HSPG2: variants seen among roughly 807,000 people sequenced by gnomAD.
HSPG2 encodes basement membrane-specific heparan sulfate proteoglycan core protein.
HSPG2 carries 278 observed loss-of-function variants against 526.6 expected under a neutral mutation model. The ratio of observed to expected loss-of-function variants is 0.53; its 90% CI spans 0.48 to 0.58. The LOEUF (loss-of-function observed/expected upper bound fraction) is 0.58, where lower values mean the gene tolerates loss of function less well. Ranked by LOEUF, HSPG2 falls within the 20% of genes least tolerant of loss-of-function variation. The pLI is 0.00. For missense variants in HSPG2, 5,354 were observed against 6,099.5 expected, an observed-to-expected ratio of 0.88 and a Z score of 4.07; for synonymous variants, 2,465 against 2,555.4, an observed-to-expected ratio of 0.96 and a Z score of 1.07.
At position 21,834,744 on chromosome 1, in the gene HSPG2, T is replaced by G; in HGVS notation, c.10655A>C (p.Gln3552Pro). 2 of 1,614,194 alleles carry G rather than the reference T, an allele frequency of 1.2e-6. No individual in the cohort carries two copies. The highest frequency in any genetic ancestry group is 1.7e-6 in the Non-Finnish European group (2 of 1,180,042). ...IAHVELADAG[Q>P]YRCTATNAAG... ...TGCGTTGGTGGCAGTGCAGCGATAC[T>G]GTCCCGCATCAGCCAGCTCTACGTG... is the stretch of plus-strand genomic sequence containing the variant. Residue 3552 changes from glutamine (Q) to proline (P), a missense_variant, in exon 77 of 97, where the codon CAG becomes CCG. Physicochemically the swap from Gln to Pro is moderately conservative, Grantham distance 76. Coordinates refer to ENST00000374695, the MANE Select transcript of HSPG2 (RefSeq NM_005529.7).
chr1:21,841,986 C>CACCAGCCT lies in HSPG2; in HGVS notation c.9193+8_9193+15dup, dbSNP rs758822987. 7.4e-6 allele frequency: 12 copies of CACCAGCCT among 1,612,610 alleles called. No individual in the cohort carries two copies. Among genetic ancestry groups the CACCAGCCT allele is most frequent in the Non-Finnish European group, 1.0e-5 (12 of 1,180,022 alleles). On this transcript the variant is annotated intron_variant, in intron 69 of 96. Transcript: ENST00000374695. Reference sequence around the variant, plus strand: ...CCTGCCCCCAGCTTGCCCACCTGCCCACCAGCCTGGCTCACCCTCCAGCTC... The same window carrying CACCAGCCT: ...CCTGCCCCCAGCTTGCCCACCTGCCCACCAGCCTACCAGCCTGGCTCACCCTCCAGCTC...
At chr1:21,838,044 G>A (rs540580153) in intron 74 of HSPG2, among the ~76,000 whole-genome samples, 1 of 145,550 alleles carries the variant, frequency 6.9e-6, no homozygotes, top group South Asian at 2.2e-4. Flanking sequence ...GCTGAGGCAC[G>A]AGAAAGGCTT....
At chr1:21,846,313 G>T (rs1638431004) in intron 63 of HSPG2, 58 bp from the exon 64 acceptor site, 2 of 1,610,794 alleles carry the variant, frequency 1.2e-6, no homozygotes. Flanking sequence ...ACTGTTGAAG[G>T]CCTGGGGCCA....
chr1:21,890,117 C>T lies in HSPG2; in HGVS notation c.438G>A (p.Val146=). 6.2e-7 allele frequency: 1 copy of T among 1,614,070 alleles called. No individual in the cohort carries two copies. The highest frequency in any genetic ancestry group is 8.5e-7 in the Non-Finnish European group (1 of 1,179,984). Residue 146 remains valine, a synonymous_variant, in exon 6 of 97, where the codon GTG becomes GTA. Transcript: ENST00000374695. The surrounding 1 kb of genome is among the most constrained non-coding windows in gnomAD (Gnocchi z 4.1). Reference sequence around the variant, plus strand: ...TCCCTTCCGAGCCCACATCCAGCTCCACAAAAACCCAGCCATCCAGCTCCC... The same window carrying T: ...TCCCTTCCGAGCCCACATCCAGCTCTACAAAAACCCAGCCATCCAGCTCCC... ...FIKELDGWVF[V]ELDVGSEGNA... is the part of the protein sequence containing the mutation.
In HSPG2 at chr1:21,828,173, G is replaced by T. The variant is rs1191741336; in HGVS notation, c.12410-21C>A. ...GTCTCCTGTGGGCCAGGGCAGAGGC[G>T]AGTGGGTGGGTGGGCATGGGCTGGA... On this transcript the variant is annotated intron_variant, in intron 89 of 96. Coordinates refer to ENST00000374695, the MANE Select transcript of HSPG2 (RefSeq NM_005529.7). The surrounding 1 kb of genome is among the most constrained non-coding windows in gnomAD (Gnocchi z 6.0). 17 of 1,536,624 alleles carry T rather than the reference G, an allele frequency of 1.1e-5. No homozygotes were observed. Among genetic ancestry groups the T allele is most frequent in the Non-Finnish European group, 1.4e-5 (16 of 1,121,846 alleles).
Position 21,852,138 on chromosome 1 carries a change from C to A in HSPG2, c.6820G>T (p.Ala2274Ser), listed in dbSNP as rs190391786. Reference protein sequence around the residue: ...LSCVVAGQAHAQVTWYKRGGS... With the variant: ...LSCVVAGQAHSQVTWYKRGGS... ...CCACGCTTGTACCATGTGACCTGGG[C>A]GTGGGCCTGCCCTGCCACCACGCAG... The change falls in exon 53 of 97, where the codon GCC becomes TCC. Residue 2274 changes from alanine to serine, a missense_variant. Coordinates refer to ENST00000374695, the MANE Select transcript of HSPG2 (RefSeq NM_005529.7). 1 of 1,613,884 alleles carries A rather than the reference C, an allele frequency of 6.2e-7. No homozygotes were observed. Among genetic ancestry groups the A allele is most frequent in the Non-Finnish European group, 8.5e-7 (1 of 1,180,038 alleles).
In HSPG2 at chr1:21,824,087, GGCCCCATCCCGAGT is replaced by G; in HGVS notation, c.12899+20_12899+33del. 6.3e-7 allele frequency: 1 copy of G among 1,589,070 alleles called. No homozygotes were observed. The highest frequency in any genetic ancestry group is 8.6e-7 in the Non-Finnish European group (1 of 1,162,292). ...CGTCCTGCCCCACTCCAGAACGCTGGGCCCCATCCCGAGTGCCCGGCAGGGTCCCTTACCGCAGT... is the reference window on the plus strand; with the variant it reads ...CGTCCTGCCCCACTCCAGAACGCTGGGCCCGGCAGGGTCCCTTACCGCAGT... On this transcript the variant is annotated intron_variant, in intron 95 of 96. Transcript: ENST00000374695. The surrounding 1 kb of genome is among the most constrained non-coding windows in gnomAD (Gnocchi z 5.9).
rs1642884530 is a variant in HSPG2 at position 21,898,223 on chromosome 1, G to A, written c.64-1913C>T. Among the ~76,000 whole-genome samples the A allele has an allele frequency of 6.6e-6, 1 of 152,158 alleles. No homozygotes were observed. The highest frequency in any genetic ancestry group is 1.5e-5 in the Non-Finnish European group (1 of 68,024). ...CTGTGAGCTCCCTGGATGGGGGAGT[G>A]GCTGGGTGCCATTTGTTCATCTTTG... On this transcript the variant is annotated intron_variant, in intron 1 of 96. Coordinates refer to ENST00000374695, the MANE Select transcript of HSPG2 (RefSeq NM_005529.7). This position sits in a 1 kb window ranked among gnomAD's most constrained non-coding sequence, Gnocchi z 4.0.
intron 3 of HSPG2, among the ~76,000 whole-genome samples, chr1:21,891,547 G>A (rs567974196): frequency 2.0e-5 from 3 of 152,318 alleles, no homozygotes; most frequent in African/African-American, 7.2e-5. Flanking sequence ...GGTACACAGC[G>A]GGTTCCTTGA....
In HSPG2 at chr1:21,876,643, CCA is replaced by C; in HGVS notation, c.2693_2694del (p.Val898GlyfsTer7). On this transcript the variant is annotated frameshift_variant, in exon 22 of 97. Transcript: ENST00000374695. LOFTEE classifies it high-confidence loss of function. ...GCACATTCATTGCACAAGCGCCCCACCACATTGTTCTGCAGGCACAGAGTTGG... is the reference window on the plus strand; with the variant it reads ...GCACATTCATTGCACAAGCGCCCCACCATTGTTCTGCAGGCACAGAGTTGG... ...SGEACRCKNNVVGRLCNECAD... is the reference protein window; with the variant it reads ...SGEACRCKNNXVGRLCNECAD... The C allele has an allele frequency of 6.2e-7, 1 of 1,614,228 alleles. No individual in the cohort carries two copies. The highest frequency in any genetic ancestry group is 8.5e-7 in the Non-Finnish European group (1 of 1,180,042).
Position 21,904,402 on chromosome 1 carries a change from G to A in HSPG2, c.64-8092C>T, listed in dbSNP as rs1252602043. ...GGGGTGGGAGGAAGCCTGGTGCAGC[G>A]GGACACGCGTGTGAGTGGCAGAGGA... On this transcript the variant is annotated intron_variant, in intron 1 of 96. Transcript: ENST00000374695. The surrounding 1 kb of genome is among the most constrained non-coding windows in gnomAD (Gnocchi z 4.4). 2.0e-5 allele frequency among the ~76,000 whole-genome samples: 3 copies of A among 152,156 alleles called. No individual in the cohort carries two copies. Among genetic ancestry groups the A allele is most frequent in the Admixed American group, 6.5e-5 (1 of 15,286 alleles).
In HSPG2 at chr1:21,872,869, C is replaced by G; in HGVS notation, c.3889-109G>C. 6.5e-7 allele frequency: 1 copy of G among 1,545,404 alleles called. No homozygotes were observed. The highest frequency in any genetic ancestry group is 2.3e-5 in the East Asian group (1 of 43,868). On this transcript the variant is annotated intron_variant, in intron 31 of 96. Coordinates refer to ENST00000374695, the MANE Select transcript of HSPG2 (RefSeq NM_005529.7). The surrounding 1 kb of genome is among the most constrained non-coding windows in gnomAD (Gnocchi z 5.5). ...CACTTCCAGCAGCCCCGGGCAGCCCCTGCCCTGTCCCCCATGCCCTGCCCC... is the reference window on the plus strand; with the variant it reads ...CACTTCCAGCAGCCCCGGGCAGCCCGTGCCCTGTCCCCCATGCCCTGCCCC...
At position 21,832,802 on chromosome 1, in the gene HSPG2, C is replaced by A. The variant is rs2152694283; in HGVS notation, c.11096-196G>T. 10 of 601,986 alleles carry A rather than the reference C, an allele frequency of 1.7e-5. No individual in the cohort carries two copies. In the South Asian group the frequency reaches 1.8e-4, roughly 11 times the overall value. The allele number at this position is 601,986 out of a possible 1,614,324, so 37.3% of individuals were successfully genotyped here. On this transcript the variant is annotated intron_variant, in intron 80 of 96. Transcript: ENST00000374695. ...AAACGCAAGGGCCTTACTGAGCGCC[C>A]CTAGAAAGAAACTGAATTTGCTTCA...
rs1196577428 is a variant in HSPG2, at chr1:21,827,906, G to A, written c.12546C>T (p.Gly4182=). 1 of 1,600,214 alleles carries A rather than the reference G, an allele frequency of 6.2e-7. No homozygotes were observed. The highest frequency in any genetic ancestry group is 1.7e-5 in the Admixed American group (1 of 57,360). The change falls in exon 91 of 97, where the codon GGC becomes GGT. Residue 4182 remains glycine, a synonymous_variant. Coordinates refer to ENST00000374695, the MANE Select transcript of HSPG2 (RefSeq NM_005529.7). ...CAAGATGCCAGTCGGACTCTGCTAT[G>A]CCATGTCCAGAGCCTATGGAGAAGG... ...GPRCQQGSGH[G]IAESDWHLEG...
At chr1:21,837,568 C>T (rs1449665051) in intron 74 of HSPG2, among the ~76,000 whole-genome samples, 7 of 151,840 alleles carry the variant, frequency 4.6e-5, no homozygotes, top group African/African-American at 7.3e-5. Flanking sequence ...GGATTACAGG[C>T]GTGAGCCACC....
chr1:21,922,014 G>T (rs1004015945), intron 1 of HSPG2, among the ~76,000 whole-genome samples: 4 of 152,202 alleles, frequency 2.6e-5, no homozygotes, highest in African/African-American at 9.7e-5. Flanking sequence ...AGGTGGGGTT[G>T]CAGGGGGACG....
rs571025096 is a variant in HSPG2 at position 21,861,808 on chromosome 1, C to G, written c.4904G>C (p.Gly1635Ala). 1 of 1,613,816 alleles carries G rather than the reference C, an allele frequency of 6.2e-7. No individual in the cohort carries two copies. Among genetic ancestry groups the G allele is most frequent in the African/African-American group, 1.3e-5 (1 of 75,054 alleles). The part of the protein sequence containing the change: ...SRTCESLGAG[G>A]YRCTACEPGY... The stretch of plus-strand genomic sequence containing the variant: ...GGGTTCGCAGGCCGTGCAGCGGTAC[C>G]CGCCGGCTCCCAGGCTCTCACAGGT... Residue 1635 changes from glycine to alanine, a missense_variant, in exon 39 of 97, where the codon GGG (glycine) becomes GCG (alanine). Physicochemically the swap from Gly to Ala is moderately conservative, Grantham distance 60. Coordinates refer to ENST00000374695, the MANE Select transcript of HSPG2 (RefSeq NM_005529.7).
intron 56 of HSPG2, 60 bp from the exon 57 acceptor site, chr1:21,850,252 T>C: frequency 6.2e-7 from 1 of 1,612,058 alleles, no homozygotes; most frequent in Non-Finnish European, 8.5e-7. Context: ...ATGGGGCTCC[T>C]GGTCTCAAGG....
chr1:21,901,873 A>G (rs1026480803), intron 1 of HSPG2, among the ~76,000 whole-genome samples: 3 of 152,044 alleles, frequency 2.0e-5, no homozygotes, highest in African/African-American at 7.2e-5. Flanking sequence ...TCCCCTGCCC[A>G]CTGCCAAGGA....
Sources: gnomAD v4.1 joint callset for allele counts (sites outside exome capture counted in the v4.1 genomes callset) on GRCh38, gnomAD v4.1.1 for gene constraint, Gnocchi (gnomAD v3.1) non-coding constraint, MANE v1.5 for transcripts, NCBI Gene and HGNC (gene_info 2026-07-23, HGNC 2026-07-21) for gene names.